Variants in RHOA observed in about 807,000 individuals in gnomAD.
RHOA encodes transforming protein RhoA.
RHOA carries 3 observed loss-of-function variants against 17.5 expected under a neutral mutation model. That is an observed-to-expected ratio of 0.17 (90% CI 0.08 to 0.44). RHOA has a LOEUF of 0.44. RHOA is among the 20% of genes least tolerant of loss of function. The pLI, the probability that RHOA is intolerant of heterozygous loss-of-function variation, is 0.99. For missense variants in RHOA, 56 were observed against 242.3 expected (o/e 0.23, Z 5.10); for synonymous variants, 98 against 88.4 (o/e 1.11, Z -0.61).
At chr3:49,405,470 C>T (rs888313777) in intron 1 of RHOA, among the ~76,000 whole-genome samples, 1 of 152,048 alleles carries the variant, frequency 6.6e-6, no homozygotes, top group Admixed American at 6.6e-5. Flanking sequence ...TGAAGGGCTA[C>T]ATGTCTGGCA....
chr3:49,371,323 A>C (rs2048144509), intron 2 of RHOA, among the ~76,000 whole-genome samples: 1 of 145,922 alleles, frequency 6.9e-6, no homozygotes, highest in African/African-American at 2.6e-5. Context: ...CTTGTCGCCC[A>C]GGCTTGAGTG....
chr3:49,401,024 C>G (rs1244234156), intron 1 of RHOA, among the ~76,000 whole-genome samples: 1 of 105,388 alleles, frequency 9.5e-6, no homozygotes, highest in Non-Finnish European at 1.9e-5. Flanking sequence ...CCAGCCTGGG[C>G]GACAGAGACT....
At chr3:49,388,848 A>AT (rs2048446730) in intron 1 of RHOA, among the ~76,000 whole-genome samples, 1 of 152,198 alleles carries the variant, frequency 6.6e-6, no homozygotes, top group South Asian at 2.1e-4. Context: ...TCTAAGCTAC[A>AT]TATCTAACCA....
At chr3:49,399,589 TTTC>T (rs1359837114) in intron 1 of RHOA, among the ~76,000 whole-genome samples, 2 of 151,076 alleles carry the variant, frequency 1.3e-5, no homozygotes, top group African/African-American at 2.4e-5. Flanking sequence ...TTTTTTTTTT[TTTC>T]CCCCAGAAAG....
chr3:49,379,380 G>T (rs1433117017), intron 1 of RHOA, among the ~76,000 whole-genome samples: 1 of 152,110 alleles, frequency 6.6e-6, no homozygotes, highest in African/African-American at 2.4e-5. Flanking sequence ...GGACTTGGGG[G>T]TGGAGAGAAA....
At chr3:49,382,001 A>T (rs182279029) in intron 1 of RHOA, among the ~76,000 whole-genome samples, 1 of 151,708 alleles carries the variant, frequency 6.6e-6, no homozygotes. Flanking sequence ...CTTGGGCAAA[A>T]TAGCAAGACC....
In RHOA at chr3:49,404,433, A is replaced by ACACACAC. The variant is rs1553636256; in HGVS notation, c.-3+7386_-3+7387insGTGTGTG. Among the ~76,000 whole-genome samples, 10 of 90,758 alleles carry ACACACAC rather than the reference A, an allele frequency of 1.1e-4. No individual in the cohort carries two copies. In the East Asian group the frequency reaches 2.2e-3, roughly 20 times the overall value. 59.5% of individuals were successfully genotyped at this position (90,758 alleles called of 152,430 possible). ...CAAAGTAAAACCCCGTCTCTAGTAA[A>ACACACAC]ACACACACACACACACACACACACA... On this transcript the variant is annotated intron_variant, in intron 1 of 4. Coordinates refer to ENST00000418115, the MANE Select transcript of RHOA (RefSeq NM_001664.4).
chr3:49,385,192 C>T (rs928642671), intron 1 of RHOA, among the ~76,000 whole-genome samples: 3 of 151,542 alleles, frequency 2.0e-5, no homozygotes, highest in South Asian at 4.2e-4. Context: ...CAGGGGTGAG[C>T]CACTGCGCCT....
chr3:49,359,617 G>C lies in RHOA; in HGVS notation c.*592C>G. 1 of 208,064 alleles carries C rather than the reference G, an allele frequency of 4.8e-6. No individual in the cohort carries two copies. Among genetic ancestry groups the C allele is most frequent in the Non-Finnish European group, 9.8e-6 (1 of 102,062 alleles). The allele number at this position is 208,064 out of a possible 1,614,324, so 12.9% of individuals were successfully genotyped here. ...ACAAAAAATACTACATCTAGTCTGG[G>C]GTAGATATATTTATTTTTGGTAACA... is the stretch of plus-strand genomic sequence containing the variant. On this transcript the variant is annotated 3_prime_UTR_variant, in exon 5 of 5. Coordinates refer to ENST00000418115, the MANE Select transcript of RHOA (RefSeq NM_001664.4).
At chr3:49,405,065 C>T (rs1036041383) in intron 1 of RHOA, among the ~76,000 whole-genome samples, 5 of 149,912 alleles carry the variant, frequency 3.3e-5, no homozygotes, top group Admixed American at 6.7e-5. Flanking sequence ...CTGGCTAACA[C>T]GGTAAAACCC....
intron 1 of RHOA, among the ~76,000 whole-genome samples, chr3:49,378,947 T>C (rs1389131933): frequency 6.6e-6 from 1 of 152,020 alleles, no homozygotes; most frequent in Non-Finnish European, 1.5e-5. Flanking sequence ...TACAATTCAA[T>C]AATAAAAAGA....
intron 1 of RHOA, among the ~76,000 whole-genome samples, chr3:49,399,869 G>A (rs904605166): frequency 1.3e-5 from 2 of 152,020 alleles, no homozygotes; most frequent in African/African-American, 2.4e-5. Flanking sequence ...TTACATCAAG[G>A]GGGTAAGAAA....
intron 1 of RHOA, among the ~76,000 whole-genome samples, chr3:49,383,065 AAAAAAG>A (rs926812160): frequency 3.3e-5 from 5 of 150,312 alleles, no homozygotes; most frequent in Admixed American, 6.6e-5. Context: ...ATCAGAAAAA[AAAAAAG>A]AAAAAGAAAA....
intron 2 of RHOA, among the ~76,000 whole-genome samples, chr3:49,372,733 C>CAAAAA (rs11460016): frequency 3.6e-5 from 3 of 83,100 alleles, no homozygotes; most frequent in African/African-American, 8.6e-5. Context: ...GACTCTGTCT[C>CAAAAA]AAAAAAAAAA....
intron 1 of RHOA, among the ~76,000 whole-genome samples, chr3:49,388,106 A>T (rs1057152929): frequency 1.3e-5 from 2 of 151,836 alleles, no homozygotes; most frequent in African/African-American, 4.8e-5. Flanking sequence ...TCCTGGGCTC[A>T]GGTGACCCTC....
intron 1 of RHOA, among the ~76,000 whole-genome samples, chr3:49,406,426 A>G (rs2048833561): frequency 6.6e-6 from 1 of 152,208 alleles, no homozygotes; most frequent in African/African-American, 2.4e-5. Flanking sequence ...AAAACAAGCA[A>G]CTTTTTTAAA....
At chr3:49,363,279 G>C (rs1035572435) in intron 3 of RHOA, among the ~76,000 whole-genome samples, 2 of 152,070 alleles carry the variant, frequency 1.3e-5, no homozygotes, top group Non-Finnish European at 2.9e-5. Flanking sequence ...AATTAGCCGG[G>C]TGTAGTGGTG....
At position 49,362,633 on chromosome 3, in the gene RHOA, G is replaced by C. The variant is rs2047990383; in HGVS notation, c.278-7C>G. On this transcript the variant is annotated splice_region_variant and splice_polypyrimidine_tract_variant and intron_variant, in intron 3 of 4. Coordinates refer to ENST00000418115, the MANE Select transcript of RHOA (RefSeq NM_001664.4). ...CACTTTTCTGGGATGTTTTCTGAAA[G>C]AAAAATGTAGAGAATTTGGGGATAC... 1 of 1,605,240 alleles carries C rather than the reference G, an allele frequency of 6.2e-7. No individual in the cohort carries two copies. Among genetic ancestry groups the C allele is most frequent in the African/African-American group, 1.3e-5 (1 of 74,616 alleles).
chr3:49,396,931 A>G (rs935570274), intron 1 of RHOA, among the ~76,000 whole-genome samples: 1 of 151,978 alleles, frequency 6.6e-6, no homozygotes, highest in African/African-American at 2.4e-5. Flanking sequence ...GGAGTTCAAG[A>G]CTGGCCTGGT....
Sources: allele counts gnomAD v4.1 joint callset (sites outside exome capture counted in the v4.1 genomes callset), GRCh38; gene constraint gnomAD v4.1.1; transcripts MANE v1.5; gene names NCBI Gene and HGNC (gene_info 2026-07-23, HGNC 2026-07-21).